The following SPTBN1 variants were observed in gnomAD, a reference collection of about 807,000 sequenced individuals.
The protein encoded by SPTBN1 is spectrin beta chain, non-erythrocytic 1.
A neutral mutation model predicts 266.4 loss-of-function variants in SPTBN1; 32 were observed. The ratio of observed to expected loss-of-function variants is 0.12; its 90% CI spans 0.09 to 0.16. The LOEUF is 0.16. Ranked by LOEUF, SPTBN1 falls within the 10% of genes least tolerant of loss-of-function variation. The probability of loss-of-function intolerance (pLI) is 1.00; values close to 1 mark genes in which losing one functional copy is unlikely to be tolerated. For synonymous variants in SPTBN1, 1,336 were observed against 1,162.2 expected (o/e 1.15, Z -3.04); for missense variants, 2,296 against 3,067.1 (o/e 0.75, Z 5.94).
rs1558486018 is a variant in SPTBN1 at position 54,665,999 on chromosome 2, C to G, written c.6744C>G (p.Pro2248=). The G allele has an allele frequency of 3.7e-6, 6 of 1,614,006 alleles. No individual in the cohort carries two copies. Among genetic ancestry groups the G allele is most frequent in the African/African-American group, 1.3e-5 (1 of 74,900 alleles). Residue 2248 remains proline (P), a synonymous_variant, in exon 34 of 36, where the codon CCC becomes CCG. Coordinates refer to ENST00000356805, the MANE Select transcript of SPTBN1 (RefSeq NM_003128.3). ...KDAKTAASGI[P]YHSEVPVSLK... ...CAAAGACTGCTGCTTCTGGAATTCC[C>G]TACCACAGCGAGGTCCCTGTGAGTT... is the stretch of plus-strand genomic sequence containing the variant.
At chr2:54,661,849 A>G (rs2104228486) in intron 32 of SPTBN1, 1 of 985,408 alleles carries the variant, frequency 1.0e-6, no homozygotes, top group Non-Finnish European at 1.2e-6. Context: ...ACACAAGAAA[A>G]GAGTGCTATG....
At chr2:54,532,016 G>A (rs1044351355) in intron 2 of SPTBN1, among the ~76,000 whole-genome samples, 4 of 152,132 alleles carry the variant, frequency 2.6e-5, no homozygotes, top group Non-Finnish European at 2.9e-5. Flanking sequence ...ATTGCCGGGC[G>A]CAGTGGCTCA....
chr2:54,507,980 G>A (rs1276490059), intron 1 of SPTBN1, among the ~76,000 whole-genome samples: 1 of 152,100 alleles, frequency 6.6e-6, no homozygotes, highest in Non-Finnish European at 1.5e-5. Flanking sequence ...ACGGGAATGA[G>A]AATAAGAGTA....
At chr2:54,640,545 GGTTTTGTTTT>G (rs560757566) in intron 18 of SPTBN1, among the ~76,000 whole-genome samples, 5 of 152,202 alleles carry the variant, frequency 3.3e-5, no homozygotes, top group Admixed American at 6.5e-5. Flanking sequence ...TCTTTGTAGT[GGTTTTGTTTT>G]GTTTTGTTTT....
At chr2:54,594,833 C>CTTTTTCTT (rs1553455348) in intron 2 of SPTBN1, among the ~76,000 whole-genome samples, 1 of 104,716 alleles carries the variant, frequency 9.5e-6, no homozygotes, top group African/African-American at 5.1e-5. Flanking sequence ...TGGTAAGTTT[C>CTTTTTCTT]TTTTTTTTTT....
rs369864050 is a variant in SPTBN1 at position 54,653,747 on chromosome 2, C to T, written c.5716C>T (p.Arg1906Trp). The T allele has an allele frequency of 6.8e-5, 109 of 1,614,080 alleles. No individual in the cohort carries two copies. The highest frequency in any genetic ancestry group is 8.7e-5 in the Non-Finnish European group (103 of 1,180,022). ...LLDACESRRV[R>W]LVDTGDKFRF... ...GGACGCCTGTGAGAGCCGCAGGGTGCGGCTGGTGGACACAGGGGACAAGTT... is the reference window on the plus strand; with the variant it reads ...GGACGCCTGTGAGAGCCGCAGGGTGTGGCTGGTGGACACAGGGGACAAGTT... The change falls in exon 27 of 36, where the codon CGG becomes TGG. Residue 1906 changes from arginine to tryptophan, a missense_variant. Transcript: ENST00000356805. The surrounding 1 kb of genome is among the most constrained non-coding windows in gnomAD (Gnocchi z 5.1).
chr2:54,481,564 G>C (rs1217516921), intron 1 of SPTBN1, among the ~76,000 whole-genome samples: 1 of 152,192 alleles, frequency 6.6e-6, no homozygotes, highest in East Asian at 1.9e-4. Context: ...GTAATGGCAA[G>C]TAAAGGTTGA....
At chr2:54,663,598 G>C (rs1217000666) in intron 32 of SPTBN1, 1 of 152,264 alleles carries the variant, frequency 6.6e-6, no homozygotes, top group African/African-American at 2.4e-5. Flanking sequence ...CTGGAAGCCT[G>C]GCTGTCTCTG....
At chr2:54,591,723 G>A (rs1393580521) in intron 2 of SPTBN1, among the ~76,000 whole-genome samples, 1 of 152,166 alleles carries the variant, frequency 6.6e-6, no homozygotes, top group Non-Finnish European at 1.5e-5. Flanking sequence ...ATATAGTTGT[G>A]TTTAGCACTC....
intron 29 of SPTBN1, 144 bp from the exon 30 acceptor site, chr2:54,657,706 C>T: frequency 1.1e-6 from 1 of 931,644 alleles, no homozygotes; most frequent in Non-Finnish European, 1.6e-6. Context: ...ATTACATTTA[C>T]ATTGGACAGG....
At chr2:54,500,521 C>T (rs149077665) in intron 1 of SPTBN1, among the ~76,000 whole-genome samples, 1 of 152,256 alleles carries the variant, frequency 6.6e-6, no homozygotes, top group Non-Finnish European at 1.5e-5. Flanking sequence ...TAGTAGCTCT[C>T]AATCCTTGGC....
chr2:54,515,083 C>T (rs903721458), intron 1 of SPTBN1, among the ~76,000 whole-genome samples: 1 of 152,306 alleles, frequency 6.6e-6, no homozygotes, highest in South Asian at 2.1e-4. Flanking sequence ...TGACATTTTG[C>T]AGACCCTGTC....
intron 1 of SPTBN1, among the ~76,000 whole-genome samples, chr2:54,505,164 T>C (rs950068568): frequency 6.6e-6 from 1 of 152,222 alleles, no homozygotes; most frequent in Non-Finnish European, 1.5e-5. Flanking sequence ...AAGTTTTGCA[T>C]ATTATAGTAT....
At chr2:54,528,629 C>G (rs1486330289) in intron 2 of SPTBN1, 2 of 151,486 alleles carry the variant, frequency 1.3e-5, no homozygotes, top group African/African-American at 2.4e-5. Flanking sequence ...TGCCCAAGGG[C>G]TTACTGCTGC....
chr2:54,661,454 T>C (rs1188243647), intron 32 of SPTBN1: 1 of 985,756 alleles, frequency 1.0e-6, no homozygotes, highest in Non-Finnish European at 1.2e-6. Context: ...TTTTCTTTTG[T>C]CAGGATAACG....
chr2:54,621,385 T>C lies in SPTBN1; in HGVS notation c.764-15T>C, dbSNP rs1677985890. On this transcript the variant is annotated splice_polypyrimidine_tract_variant and intron_variant, in intron 7 of 35. Transcript: ENST00000356805. ...AGCATGCAACACACTGAACAGAGTC[T>C]TCTCTGGGTTACAGACATCAGCGTG... 1.9e-6 allele frequency: 3 copies of C among 1,605,798 alleles called. No individual in the cohort carries two copies. The South Asian group carries it at 3.3e-5, about 18-fold the overall frequency.
intron 3 of SPTBN1, among the ~76,000 whole-genome samples, chr2:54,600,125 C>T (rs1676389851): frequency 6.6e-6 from 1 of 152,204 alleles, no homozygotes; most frequent in Non-Finnish European, 1.5e-5. Flanking sequence ...TTGATCTCCA[C>T]CCTGTAGCTT....
chr2:54,605,439 ATT>A (rs1676775149), intron 3 of SPTBN1, among the ~76,000 whole-genome samples: 2 of 152,340 alleles, frequency 1.3e-5, no homozygotes, highest in South Asian at 4.1e-4. Context: ...AGGAATAGTA[ATT>A]ATTATAATGC....
chr2:54,473,961 G>A (rs1436743116), intron 1 of SPTBN1, among the ~76,000 whole-genome samples: 1 of 152,174 alleles, frequency 6.6e-6, no homozygotes, highest in Non-Finnish European at 1.5e-5. Flanking sequence ...ATCTACTGGG[G>A]GATGCAGTCA....
Sources: gnomAD v4.1 joint callset for allele counts (sites outside exome capture counted in the v4.1 genomes callset) on GRCh38, gnomAD v4.1.1 for gene constraint, Gnocchi (gnomAD v3.1) non-coding constraint, MANE v1.5 for transcripts, NCBI Gene and HGNC (gene_info 2026-07-23, HGNC 2026-07-21) for gene names.